STAM: variants seen among roughly 807,000 people sequenced by gnomAD.
STAM encodes signal transducing adaptor molecule, also known as signal transducing adapter molecule 1.
In STAM, 16 loss-of-function variants were observed where a neutral mutation model predicts 63.4. That is an observed-to-expected ratio of 0.25 (90% confidence interval 0.17 to 0.38). The LOEUF is 0.38. Ranked by LOEUF, STAM falls within the 10% of genes least tolerant of loss-of-function variation. STAM has a pLI of 1.00. For synonymous variants in STAM, 238 were observed against 223.9 expected, an observed-to-expected ratio of 1.06 and a Z score of -0.56; for missense variants, 636 against 657.1, an observed-to-expected ratio of 0.97 and a Z score of 0.35.
chr10:17,659,182 G>C (rs1834062304), intron 1 of STAM, among the ~76,000 whole-genome samples: 1 of 151,682 alleles, frequency 6.6e-6, no homozygotes, highest in Non-Finnish European at 1.5e-5. Flanking sequence ...TCTGCTTTCA[G>C]ATAACACTGT....
intron 1 of STAM, among the ~76,000 whole-genome samples, chr10:17,648,571 T>A (rs1384096368): frequency 6.6e-6 from 1 of 152,204 alleles, no homozygotes; most frequent in African/African-American, 2.4e-5. Flanking sequence ...GTCCGTGGCT[T>A]CATTCTTGAC....
intron 13 of STAM, among the ~76,000 whole-genome samples, chr10:17,713,150 T>C (rs1264196661): frequency 2.0e-5 from 3 of 152,160 alleles, no homozygotes; most frequent in African/African-American, 4.8e-5. Context: ...GTGACCATTC[T>C]CTTTTCCCTT....
At chr10:17,700,419 C>T (rs548203400) in intron 9 of STAM, 140 bp downstream of exon 9, 5 of 566,480 alleles carry the variant, frequency 8.8e-6, no homozygotes, top group Admixed American at 3.6e-5. Flanking sequence ...GCAATATAGA[C>T]GATGCAGACT....
At chr10:17,653,265 A>G (rs1476548441) in intron 1 of STAM, among the ~76,000 whole-genome samples, 2 of 152,328 alleles carry the variant, frequency 1.3e-5, no homozygotes, top group African/African-American at 4.8e-5. Flanking sequence ...CGAAACCTAC[A>G]CTGAAAAACC....
rs115513800 is a variant in STAM, at chr10:17,716,740, C to A, written c.*1960C>A. 3.9e-3 allele frequency among the ~76,000 whole-genome samples: 599 copies of A among 152,304 alleles called. 5 individuals carry two copies. The highest frequency in any genetic ancestry group is 0.014 in the African/African-American group (581 of 41,572). Reference sequence around the variant, plus strand: ...GTCAAGTAACAGTGAATAGAAAAAACTACCCTTATTACAACCCATATACAT... The same window carrying A: ...GTCAAGTAACAGTGAATAGAAAAAAATACCCTTATTACAACCCATATACAT... On this transcript the variant is annotated 3_prime_UTR_variant, in exon 14 of 14. Transcript: ENST00000377524.
chr10:17,660,612 G>A (rs373598981), intron 2 of STAM, 64 bp downstream of exon 2: 9 of 1,304,580 alleles, frequency 6.9e-6, no homozygotes, highest in African/African-American at 3.0e-5. Flanking sequence ...AAGGCCAGGT[G>A]CAGTGGCTTG....
In STAM at chr10:17,688,156, C is replaced by G; in HGVS notation, c.427C>G (p.Pro143Ala). The G allele has an allele frequency of 6.4e-7, 1 of 1,569,482 alleles. No homozygotes were observed. The highest frequency in any genetic ancestry group is 8.6e-7 in the Non-Finnish European group (1 of 1,158,480). Residue 143 changes from proline to alanine, a missense_variant, in exon 5 of 14, where the codon CCA becomes GCA. By Grantham distance (27) the Pro-to-Ala change is conservative (BLOSUM62 -1). Transcript: ENST00000377524. The part of the protein sequence containing the change: ...KNLKEQGVTF[P>A]AIGSQAAEQA... ...CCTTAAGGAACAAGGAGTTACGTTCCCAGCTATTGGCTCTCAGGTATTTTG... is the reference window on the plus strand; with the variant it reads ...CCTTAAGGAACAAGGAGTTACGTTCGCAGCTATTGGCTCTCAGGTATTTTG...
intron 7 of STAM, among the ~76,000 whole-genome samples, chr10:17,696,287 G>A (rs1193520143): frequency 2.6e-5 from 4 of 151,668 alleles, no homozygotes; most frequent in African/African-American, 9.7e-5. Flanking sequence ...ATATACTAGA[G>A]TTTACACCTA....
At chr10:17,676,777 A>G (rs919719644) in intron 2 of STAM, among the ~76,000 whole-genome samples, 4 of 152,168 alleles carry the variant, frequency 2.6e-5, no homozygotes, top group Non-Finnish European at 5.9e-5. Flanking sequence ...TTCATTTGTC[A>G]TTGGAAGGAT....
intron 1 of STAM, among the ~76,000 whole-genome samples, chr10:17,652,559 CTG>C (rs1441497150): frequency 6.6e-6 from 1 of 152,046 alleles, no homozygotes; most frequent in Non-Finnish European, 1.5e-5. Flanking sequence ...ATCAGATAAA[CTG>C]TTAACTTTTT....
At chr10:17,701,780 G>A (rs1350054349) in intron 9 of STAM, among the ~76,000 whole-genome samples, 2 of 151,952 alleles carry the variant, frequency 1.3e-5, no homozygotes, top group Non-Finnish European at 2.9e-5. Context: ...AAGGCTTACC[G>A]CTTGCCCGTA....
intron 2 of STAM, among the ~76,000 whole-genome samples, chr10:17,671,987 G>A (rs1834658876): frequency 6.6e-6 from 1 of 151,998 alleles, no homozygotes; most frequent in Non-Finnish European, 1.5e-5. Flanking sequence ...TCACTGCTCG[G>A]CATATGGTTT....
rs1164287500 is a variant in STAM, at chr10:17,711,587, G to C, written c.1385+2636G>C. Among the ~76,000 whole-genome samples the C allele has an allele frequency of 3.9e-5, 6 of 152,180 alleles. No individual in the cohort carries two copies. The East Asian group carries it at 1.2e-3, about 29-fold the overall frequency. On this transcript the variant is annotated intron_variant, in intron 13 of 13. Coordinates refer to ENST00000377524, the MANE Select transcript of STAM (RefSeq NM_003473.4). ...AAGTTTTCCAAGAGGGTTATTCTTA[G>C]CCAGTAGAAAAAAAGTGAGGAAGAT...
chr10:17,645,820 T>C (rs1833498450), intron 1 of STAM, among the ~76,000 whole-genome samples: 1 of 152,222 alleles, frequency 6.6e-6, no homozygotes, highest in Admixed American at 6.5e-5. Context: ...CAAGCAGTTT[T>C]ACATCTCACT....
chr10:17,716,641 C>T lies in STAM; in HGVS notation c.*1861C>T, dbSNP rs1836827791. 1.3e-5 allele frequency among the ~76,000 whole-genome samples: 2 copies of T among 152,186 alleles called. No homozygotes were observed. Among genetic ancestry groups the T allele is most frequent in the African/African-American group, 2.4e-5 (1 of 41,520 alleles). On this transcript the variant is annotated 3_prime_UTR_variant, in exon 14 of 14. Transcript: ENST00000377524. Reference sequence around the variant, plus strand: ...TTACCAATGTTAAATGTATCATTTTCCCATTTTAATTTTGATATCTTTCAT... The same window carrying T: ...TTACCAATGTTAAATGTATCATTTTTCCATTTTAATTTTGATATCTTTCAT...
intron 5 of STAM, among the ~76,000 whole-genome samples, chr10:17,693,004 G>A (rs2131650792): frequency 6.6e-6 from 1 of 152,162 alleles, no homozygotes; most frequent in Admixed American, 6.5e-5. Context: ...GGGAGGGTGT[G>A]CCTAGGCTGC....
In STAM at chr10:17,695,185, T is replaced by G. The variant is rs1564561486; in HGVS notation, c.672T>G (p.Ala224=). ...KVRAIYDFEA[A]EDNELTFKAG... is the part of the protein sequence containing the mutation. Reference sequence around the variant, plus strand: ...GTGCTATATATGACTTTGAAGCTGCTGAAGACAATGAACTTACTTTTAAAG... The same window carrying G: ...GTGCTATATATGACTTTGAAGCTGCGGAAGACAATGAACTTACTTTTAAAG... The change falls in exon 7 of 14, where the codon GCT becomes GCG. Residue 224 remains alanine, a synonymous_variant. Transcript: ENST00000377524. 1 of 1,613,942 alleles carries G rather than the reference T, an allele frequency of 6.2e-7. No individual in the cohort carries two copies. Among genetic ancestry groups the G allele is most frequent in the Non-Finnish European group, 8.5e-7 (1 of 1,179,960 alleles).
At chr10:17,681,768 C>T (rs1401431897) in intron 2 of STAM, among the ~76,000 whole-genome samples, 1 of 152,184 alleles carries the variant, frequency 6.6e-6, no homozygotes, top group African/African-American at 2.4e-5. Context: ...CCTATTACTG[C>T]CTGGTAACTG....
chr10:17,645,124 AT>A (rs1833470169), intron 1 of STAM, among the ~76,000 whole-genome samples: 3 of 152,214 alleles, frequency 2.0e-5, no homozygotes, highest in Admixed American at 6.5e-5. Flanking sequence ...TTGGTTTTTA[AT>A]TTTATTTTAT....
Sources: allele counts gnomAD v4.1 joint callset (sites outside exome capture counted in the v4.1 genomes callset), GRCh38; gene constraint gnomAD v4.1.1; transcripts MANE v1.5; gene names NCBI Gene and HGNC (gene_info 2026-07-23, HGNC 2026-07-21).